The following SGCD variants were observed in gnomAD, a reference collection of about 807,000 sequenced individuals.
The protein encoded by SGCD is sarcoglycan delta.
A neutral mutation model predicts 36.6 loss-of-function variants in SGCD; 18 were observed. That is an observed-to-expected ratio of 0.49 (90% confidence interval 0.34 to 0.73). The LOEUF (loss-of-function observed/expected upper bound fraction) is 0.73, where lower values mean the gene tolerates loss of function less well. Ranked by LOEUF, SGCD falls within the 30% of genes least tolerant of loss-of-function variation. The probability of loss-of-function intolerance (pLI) is 0.01; values close to 1 mark genes in which losing one functional copy is unlikely to be tolerated. For synonymous variants in SGCD, 133 were observed against 130.6 expected (o/e 1.02, Z -0.12); for missense variants, 387 against 346.7 (o/e 1.12, Z -0.92).
chr5:155,962,442 G>A (rs375831047), intron 1 of SGCD, among the ~76,000 whole-genome samples: 45 of 152,176 alleles, frequency 3.0e-4, no homozygotes, highest in Middle Eastern at 3.4e-3. Context: ...CTGAGGACTC[G>A]CATTGCCCTC....
chr5:156,312,184 A>C (rs1367149829), intron 3 of SGCD, among the ~76,000 whole-genome samples: 2 of 152,206 alleles, frequency 1.3e-5, no homozygotes, highest in Non-Finnish European at 2.9e-5. Context: ...AGAAGTTAGA[A>C]TTCTGTCTCC....
At chr5:156,416,881 A>G (rs1477779592) in intron 3 of SGCD, among the ~76,000 whole-genome samples, 6 of 152,224 alleles carry the variant, frequency 3.9e-5, no homozygotes, top group African/African-American at 1.2e-4. Flanking sequence ...AATTGTAGTC[A>G]TTTAAATGAG....
In SGCD at chr5:155,968,709, G is replaced by A. The variant is rs184326868; in HGVS notation, c.-282+98285G>A. Among the ~76,000 whole-genome samples the A allele has an allele frequency of 4.9e-3, 750 of 152,020 alleles. 4 individuals are homozygous for A. Among genetic ancestry groups the A allele is most frequent in the South Asian group, 7.5e-3 (36 of 4,808 alleles). ...GAACGTATCCTCCTCAGATAAGGGG[G>A]GACTGCCATACATTCTTCTTACGAA... On this transcript the variant is annotated intron_variant, in intron 1 of 9. Transcript: ENST00000517913.
intron 3 of SGCD, among the ~76,000 whole-genome samples, chr5:156,201,371 T>C (rs1764146330): frequency 6.6e-6 from 1 of 152,186 alleles, no homozygotes; most frequent in Non-Finnish European, 1.5e-5. Flanking sequence ...AGTATCATCT[T>C]TGTGCAAGCT....
intron 3 of SGCD, among the ~76,000 whole-genome samples, chr5:156,134,359 G>A (rs112787417): frequency 0.035 from 5,335 of 152,212 alleles, 304 homozygotes; most frequent in African/African-American, 0.12. Flanking sequence ...TGTCTAAAGA[G>A]CTTCACTTAC....
At chr5:155,972,909 T>A (rs1032739918) in intron 1 of SGCD, among the ~76,000 whole-genome samples, 4 of 152,218 alleles carry the variant, frequency 2.6e-5, no homozygotes, top group Non-Finnish European at 5.9e-5. Flanking sequence ...TCAATCAGGT[T>A]GTTTTTCTTC....
At chr5:155,902,203 T>C (rs1428636112) in intron 1 of SGCD, among the ~76,000 whole-genome samples, 1 of 152,176 alleles carries the variant, frequency 6.6e-6, no homozygotes, top group African/African-American at 2.4e-5. Context: ...TTTGCATGTA[T>C]AAAAAGTAAT....
At chr5:155,749,497 G>A in the SGCD span, among the ~76,000 whole-genome samples, 1 of 152,176 alleles carries the variant, frequency 6.6e-6, no homozygotes, top group South Asian at 2.1e-4. Flanking sequence ...CTATAATCTT[G>A]TCTATTTACA....
Position 156,737,927 on chromosome 5 carries a change from C to A in SGCD, c.576-19654C>A, listed in dbSNP as rs189173942. On this transcript the variant is annotated intron_variant, in intron 7 of 8. Coordinates refer to ENST00000337851, the MANE Select transcript of SGCD (RefSeq NM_000337.6). ...GGCATCTCCTCCTAATCCAGAGCTC[C>A]TTCTATGATGCACTGCCCCATAGGC... 3.9e-5 allele frequency among the ~76,000 whole-genome samples: 6 copies of A among 152,256 alleles called. No homozygotes were observed. In the East Asian group the frequency reaches 1.2e-3, roughly 29 times the overall value.
intron 4 of SGCD, among the ~76,000 whole-genome samples, chr5:156,541,295 A>G (rs1265364463): frequency 2.0e-5 from 3 of 152,222 alleles, no homozygotes; most frequent in Non-Finnish European, 2.9e-5. Flanking sequence ...TTAAGCTGGC[A>G]GAGGATGAAT....
intron 3 of SGCD, among the ~76,000 whole-genome samples, chr5:156,398,917 G>C (rs1772001357): frequency 6.6e-6 from 1 of 152,138 alleles, no homozygotes; most frequent in Non-Finnish European, 1.5e-5. Flanking sequence ...CAGTTCCTCA[G>C]TCATCCTAGG....
intron 3 of SGCD, among the ~76,000 whole-genome samples, chr5:156,319,860 T>C (rs1767612325): frequency 6.6e-6 from 1 of 152,230 alleles, no homozygotes; most frequent in African/African-American, 2.4e-5. Flanking sequence ...AGTTGAGAGA[T>C]TTAAAATTAT....
intron 2 of SGCD, among the ~76,000 whole-genome samples, chr5:156,334,209 A>T (rs926731336): frequency 6.6e-6 from 1 of 152,112 alleles, no homozygotes; most frequent in Non-Finnish European, 1.5e-5. Flanking sequence ...GGTGGGAATC[A>T]TCCATGGGGT....
chr5:155,920,539 G>T (rs1465350893), intron 1 of SGCD, among the ~76,000 whole-genome samples: 2 of 152,138 alleles, frequency 1.3e-5, no homozygotes, highest in Non-Finnish European at 2.9e-5. Context: ...ATAGAAAAGT[G>T]AGGAAGGGAG....
At chr5:156,371,051 A>G (rs1198162370) in intron 3 of SGCD, among the ~76,000 whole-genome samples, 1 of 151,978 alleles carries the variant, frequency 6.6e-6, no homozygotes, top group African/African-American at 2.4e-5. Flanking sequence ...TTTTTACTCT[A>G]CCCTAGTCCC....
chr5:156,622,190 G>A lies in SGCD; in HGVS notation c.503-25274G>A, dbSNP rs559951542. Among the ~76,000 whole-genome samples the A allele has an allele frequency of 2.0e-5, 3 of 152,190 alleles. No homozygotes were observed. The South Asian group carries it at 6.2e-4, about 32-fold the overall frequency. ...GCTCACACCTGTAATCCCAACGCTTGGAGAGACCAAGGCAGGTGGATTACC... is the reference window on the plus strand; with the variant it reads ...GCTCACACCTGTAATCCCAACGCTTAGAGAGACCAAGGCAGGTGGATTACC... On this transcript the variant is annotated intron_variant, in intron 6 of 8. Transcript: ENST00000337851.
At chr5:156,348,999 A>G (rs937726555) in intron 3 of SGCD, among the ~76,000 whole-genome samples, 4 of 152,056 alleles carry the variant, frequency 2.6e-5, no homozygotes, top group African/African-American at 9.7e-5. Flanking sequence ...CATAAATTGG[A>G]GAAAGGACAC....
At chr5:156,097,524 C>A (rs1026634318) in intron 1 of SGCD, among the ~76,000 whole-genome samples, 2 of 152,016 alleles carry the variant, frequency 1.3e-5, no homozygotes, top group African/African-American at 2.4e-5. Context: ...TTTATAAAGT[C>A]TTTCATTTTT....
chr5:156,748,101 C>G (rs1298769367), intron 7 of SGCD, among the ~76,000 whole-genome samples: 1 of 152,138 alleles, frequency 6.6e-6, no homozygotes, highest in Non-Finnish European at 1.5e-5. Flanking sequence ...GGAAGAATCT[C>G]TAGTTTCAAA....
Sources: gnomAD v4.1 joint callset for allele counts (sites outside exome capture counted in the v4.1 genomes callset) on GRCh38, gnomAD v4.1.1 for gene constraint, MANE v1.5 for transcripts, NCBI Gene and HGNC (gene_info 2026-07-23, HGNC 2026-07-21) for gene names.